Variants in EMC3 observed in about 807,000 individuals in gnomAD.
EMC3 encodes the protein ER membrane protein complex subunit 3.
In EMC3, 13 loss-of-function variants were observed where a neutral mutation model predicts 36.6. The observed-to-expected ratio is 0.35, with a 90% CI of 0.23 to 0.56. The LOEUF is 0.56. EMC3 is among the 20% of genes least tolerant of loss of function. The pLI is 0.84. For synonymous variants in EMC3, 120 were observed against 111.9 expected, an observed-to-expected ratio of 1.07 and a Z score of -0.46; for missense variants, 220 against 324.5, an observed-to-expected ratio of 0.68 and a Z score of 2.47.
rs1010793214 is a variant in EMC3, at chr3:9,977,333, A to G, written c.213+56T>C. The G allele has an allele frequency of 4.0e-6, 6 of 1,510,078 alleles. No individual in the cohort carries two copies. The African/African-American group carries it at 4.2e-5, about 11-fold the overall frequency. The allele number at this position is 1,510,078 out of a possible 1,614,324, so 93.5% of individuals were successfully genotyped here. ...CAGAGCCCCCTTATAAAACATTCAGATATCTACTGCCCAACAGTGAATCGT... is the reference window on the plus strand; with the variant it reads ...CAGAGCCCCCTTATAAAACATTCAGGTATCTACTGCCCAACAGTGAATCGT... On this transcript the variant is annotated intron_variant, in intron 2 of 7. Coordinates refer to ENST00000245046, the MANE Select transcript of EMC3 (RefSeq NM_001394674.1).
At chr3:9,999,161 T>C (rs1179880665) in intron 1 of EMC3, among the ~76,000 whole-genome samples, 1 of 152,196 alleles carries the variant, frequency 6.6e-6, no homozygotes, top group African/African-American at 2.4e-5. Flanking sequence ...TGCAAACATG[T>C]TCTCCCATTC....
intron 1 of EMC3, among the ~76,000 whole-genome samples, chr3:9,996,761 C>T (rs1375889063): frequency 6.6e-6 from 1 of 152,168 alleles, no homozygotes; most frequent in Non-Finnish European, 1.5e-5. Flanking sequence ...CCCACAGGGA[C>T]AATCACTTTA....
At chr3:9,972,992 C>A (rs1312491585) in intron 5 of EMC3, among the ~76,000 whole-genome samples, 3 of 149,044 alleles carry the variant, frequency 2.0e-5, no homozygotes, top group Non-Finnish European at 4.5e-5. Context: ...CCACGCCCAG[C>A]TAACTTTTTG....
chr3:9,995,859 GAA>G (rs796987269), intron 1 of EMC3, among the ~76,000 whole-genome samples: 1 of 142,778 alleles, frequency 7.0e-6, no homozygotes. Context: ...AAATTTGCTG[GAA>G]AAAAAAAAAG....
At chr3:10,007,930 A>G (rs1159273906) in intron 1 of EMC3, among the ~76,000 whole-genome samples, 3 of 152,144 alleles carry the variant, frequency 2.0e-5, no homozygotes, top group Non-Finnish European at 4.4e-5. Context: ...CCAATAAAGA[A>G]CAGGACCAGG....
At position 9,963,492 on chromosome 3, in the gene EMC3, T is replaced by TTTTTC. The variant is rs2085709040; in HGVS notation, c.*576_*577insGAAAA. 2 of 145,588 alleles carry TTTTTC rather than the reference T, an allele frequency of 1.4e-5. No homozygotes were observed. Among genetic ancestry groups the TTTTTC allele is most frequent in the Non-Finnish European group, 3.0e-5 (2 of 66,454 alleles). 9.0% of individuals were successfully genotyped at this position (145,588 alleles called of 1,614,324 possible). A position where few individuals can be genotyped will look rare whatever the true frequency, so the allele number is the denominator to read the frequency against. ...ATATATATATATTTTTTTTTTTTTT[T>TTTTTC]CAGATGGAGTTTTGCTCTGTCGCCC... On this transcript the variant is annotated 3_prime_UTR_variant, in exon 8 of 8. Coordinates refer to ENST00000245046, the MANE Select transcript of EMC3 (RefSeq NM_001394674.1).
intron 1 of EMC3, among the ~76,000 whole-genome samples, chr3:9,980,588 A>G (rs2085900780): frequency 1.4e-5 from 2 of 138,350 alleles, no homozygotes; most frequent in Admixed American, 1.5e-4. Flanking sequence ...GGGTCTCACT[A>G]TGCTGCCCAG....
chr3:10,010,706 T>TA (rs2086314744), intron 1 of EMC3, among the ~76,000 whole-genome samples: 1 of 152,174 alleles, frequency 6.6e-6, no homozygotes. Context: ...CCTGAGGTGC[T>TA]AGGACTGGGA....
At chr3:9,996,126 T>C (rs566958583) in intron 1 of EMC3, among the ~76,000 whole-genome samples, 1 of 152,284 alleles carries the variant, frequency 6.6e-6, no homozygotes, top group African/African-American at 2.4e-5. Flanking sequence ...CTCCATCTAA[T>C]GTGAACTTCA....
At chr3:9,987,976 CAAGTAAAGTTAAA>C (rs1181919517), upstream of EMC3, 15 of 968,170 alleles carry the variant, frequency 1.5e-5, no homozygotes, top group Non-Finnish European at 2.5e-5. Flanking sequence ...GCAGGCTTTC[CAAGTAAAGTTAAA>C]AAGTAAAGGA....
At chr3:10,007,077 G>A (rs1024126960) in intron 1 of EMC3, 8 of 302,516 alleles carry the variant, frequency 2.6e-5, no homozygotes, top group Admixed American at 1.9e-4. Flanking sequence ...CACAGAACGA[G>A]GGCTGTGCAC....
chr3:9,969,104 C>G lies in EMC3; in HGVS notation c.657+615G>C, dbSNP rs562752453. 1.9e-5 allele frequency: 3 copies of G among 160,324 alleles called. No individual in the cohort carries two copies. In the Admixed American group the frequency reaches 1.9e-4, roughly 10 times the overall value. 9.9% of individuals were successfully genotyped at this position (160,324 alleles called of 1,614,324 possible). ...CCTCCCAAAGTGCTGGGATTACAGG[C>G]GTGAGCCACCGCACCTGGCCCATTT... On this transcript the variant is annotated intron_variant, in intron 7 of 7. Transcript: ENST00000245046.
chr3:10,003,929 C>G (rs759678419), intron 1 of EMC3: 1 of 152,726 alleles, frequency 6.5e-6, no homozygotes, highest in Non-Finnish European at 1.5e-5. Flanking sequence ...AGGACGGTAA[C>G]GTTAAGATCG....
At chr3:9,997,512 C>T (rs1038154995) in intron 1 of EMC3, among the ~76,000 whole-genome samples, 2 of 152,116 alleles carry the variant, frequency 1.3e-5, no homozygotes, top group Admixed American at 6.5e-5. Context: ...CACGCTGGAG[C>T]GCAGTGGCAC....
At chr3:9,973,977 C>T (rs2124906284) in intron 4 of EMC3, among the ~76,000 whole-genome samples, 1 of 152,140 alleles carries the variant, frequency 6.6e-6, no homozygotes, top group East Asian at 1.9e-4. Flanking sequence ...TTGCAGCAAA[C>T]TGTCAAACTC....
In EMC3 at chr3:9,974,242, C is replaced by A. The variant is rs748598908; in HGVS notation, c.412+142G>T. 12 of 621,972 alleles carry A rather than the reference C, an allele frequency of 1.9e-5. No individual in the cohort carries two copies. The South Asian group carries it at 2.4e-4, about 13-fold the overall frequency. 38.5% of individuals were successfully genotyped at this position (621,972 alleles called of 1,614,324 possible). A position where few individuals can be genotyped will look rare whatever the true frequency, so the allele number is the denominator to read the frequency against. ...CTTAGGATCATTTTTGGGCAAAAGC[C>A]GTAAAAGTCATCACATATTAAATTT... On this transcript the variant is annotated intron_variant, in intron 4 of 7. Transcript: ENST00000245046.
chr3:10,008,581 G>A (rs1023655415), intron 1 of EMC3: 13 of 672,456 alleles, frequency 1.9e-5, no homozygotes, highest in Admixed American at 1.2e-4. Context: ...ATAGTGGGGG[G>A]TGGGTTCAGC....
At chr3:9,992,742 A>G in intron 1 of EMC3, 1 of 636,220 alleles carries the variant, frequency 1.6e-6, no homozygotes. Flanking sequence ...TGAAAAGTGT[A>G]GATACTACCA....
rs751079362 is a variant in EMC3 at position 9,986,689 on chromosome 3, G to A, written c.-28C>T. The A allele has an allele frequency of 3.1e-6, 5 of 1,612,212 alleles. No homozygotes were observed. Among genetic ancestry groups the A allele is most frequent in the Non-Finnish European group, 4.2e-6 (5 of 1,178,710 alleles). ...TCACTGAAAGCTGGTTCCCAGTCTG[G>A]AATGGGCGAGCTTCTCTTCTCCGGG... On this transcript the variant is annotated 5_prime_UTR_variant, in exon 1 of 8. Coordinates refer to ENST00000245046, the MANE Select transcript of EMC3 (RefSeq NM_001394674.1).
Sources: gnomAD v4.1 joint callset for allele counts (sites outside exome capture counted in the v4.1 genomes callset) on GRCh38, gnomAD v4.1.1 for gene constraint, MANE v1.5 for transcripts, NCBI Gene and HGNC (gene_info 2026-07-23, HGNC 2026-07-21) for gene names.